The following GLRA3 variants were observed in gnomAD, a reference collection of about 807,000 sequenced individuals.
GLRA3 encodes glycine receptor alpha 3.
In GLRA3, 44 loss-of-function variants were observed where a neutral mutation model predicts 60.4. That is an observed-to-expected ratio of 0.73 (90% CI 0.57 to 0.94). GLRA3 has a LOEUF of 0.94. GLRA3 is among the 40% of genes least tolerant of loss of function. The probability of loss-of-function intolerance (pLI) is 0.00; values close to 1 mark genes in which losing one functional copy is unlikely to be tolerated. For missense variants in GLRA3, 508 were observed against 564.6 expected, an observed-to-expected ratio of 0.90 and a Z score of 1.02; for synonymous variants, 223 against 192.9, an observed-to-expected ratio of 1.16 and a Z score of -1.29.
At chr4:174,661,628 C>G (rs1733445431) in intron 7 of GLRA3, among the ~76,000 whole-genome samples, 1 of 152,134 alleles carries the variant, frequency 6.6e-6, no homozygotes, top group Non-Finnish European at 1.5e-5. Flanking sequence ...TGGTCCCATC[C>G]CCCAATGGCC....
intron 1 of GLRA3, among the ~76,000 whole-genome samples, chr4:174,817,309 G>T (rs774394893): frequency 1.3e-5 from 2 of 152,202 alleles, no homozygotes; most frequent in Non-Finnish European, 2.9e-5. Flanking sequence ...GCAATCCCGC[G>T]TTAAGGGTGG....
At chr4:174,728,723 A>C in intron 3 of GLRA3, 25 bp from the exon 4 acceptor site, 3 of 295,098 alleles carry the variant, frequency 1.0e-5, no homozygotes, top group Non-Finnish European at 1.5e-5. Context: ...TGAAAGAAAG[A>C]AAAAAAAAAA....
chr4:174,757,858 G>A (rs958124490), intron 3 of GLRA3, among the ~76,000 whole-genome samples: 4 of 152,134 alleles, frequency 2.6e-5, no homozygotes, highest in African/African-American at 9.7e-5. Context: ...GTTGAAATTT[G>A]ATCCCCAGTG....
At chr4:174,712,520 T>C (rs187820917) in intron 5 of GLRA3, 34 of 152,330 alleles carry the variant, frequency 2.2e-4, no homozygotes, top group African/African-American at 7.2e-4. Context: ...GTTTTGACCA[T>C]TGACATATAT....
intron 7 of GLRA3, among the ~76,000 whole-genome samples, chr4:174,660,425 C>T (rs1221417606): frequency 6.6e-6 from 1 of 152,044 alleles, no homozygotes. Flanking sequence ...CTGATATTTC[C>T]TCATTTACAT....
At chr4:174,770,569 T>C (rs556158283) in intron 2 of GLRA3, among the ~76,000 whole-genome samples, 3 of 151,216 alleles carry the variant, frequency 2.0e-5, no homozygotes, top group African/African-American at 7.3e-5. Context: ...GTAGATGCTA[T>C]GTACTTTGAA....
rs150447742 is a variant in GLRA3, at chr4:174,820,900, C to CTT, written c.71+7840_71+7841insAA. ...CTTGTTGCCACAGTTAGCTGACAATCATTTTTTTTTTAAATTTCATAGTAA... is the reference window on the plus strand; with the variant it reads ...CTTGTTGCCACAGTTAGCTGACAATCTTATTTTTTTTTTAAATTTCATAGTAA... On this transcript the variant is annotated intron_variant, in intron 1 of 9. Coordinates refer to ENST00000274093, the MANE Select transcript of GLRA3 (RefSeq NM_006529.4). 6.6e-5 allele frequency among the ~76,000 whole-genome samples: 10 copies of CTT among 151,962 alleles called. No homozygotes were observed. In the East Asian group the frequency reaches 7.8e-4, roughly 12 times the overall value.
chr4:174,669,876 T>A (rs1733837474), intron 7 of GLRA3, among the ~76,000 whole-genome samples: 1 of 152,150 alleles, frequency 6.6e-6, no homozygotes, highest in South Asian at 2.1e-4. Flanking sequence ...CACGTAATGG[T>A]TTTTACTTCA....
intron 1 of GLRA3, among the ~76,000 whole-genome samples, chr4:174,806,931 T>A (rs1740075265): frequency 6.6e-6 from 1 of 152,028 alleles, no homozygotes; most frequent in South Asian, 2.1e-4. Flanking sequence ...CAATAAAGTC[T>A]CTGTAACTAA....
At chr4:174,819,333 A>G (rs1740641436) in intron 1 of GLRA3, among the ~76,000 whole-genome samples, 2 of 152,236 alleles carry the variant, frequency 1.3e-5, no homozygotes, top group South Asian at 2.1e-4. Flanking sequence ...GATTTTCCCC[A>G]GCAGCTAGTC....
At chr4:174,724,212 A>C (rs1736232482) in intron 4 of GLRA3, among the ~76,000 whole-genome samples, 1 of 151,992 alleles carries the variant, frequency 6.6e-6, no homozygotes, top group Non-Finnish European at 1.5e-5. Flanking sequence ...TCATGTTCTT[A>C]TTAGTGAACA....
intron 5 of GLRA3, among the ~76,000 whole-genome samples, chr4:174,689,397 G>T (rs1040483616): frequency 1.3e-4 from 20 of 152,150 alleles, no homozygotes; most frequent in Non-Finnish European, 2.8e-4. Context: ...CTTGAGAGAT[G>T]CGGAAAAAGC....
intron 3 of GLRA3, among the ~76,000 whole-genome samples, chr4:174,753,526 T>G (rs1188961439): frequency 1.3e-5 from 2 of 152,168 alleles, no homozygotes; most frequent in Non-Finnish European, 2.9e-5. Flanking sequence ...GAAATGACAT[T>G]TTGGAGAGGA....
At chr4:174,763,996 C>G (rs1178577424) in intron 3 of GLRA3, among the ~76,000 whole-genome samples, 2 of 151,916 alleles carry the variant, frequency 1.3e-5, no homozygotes, top group African/African-American at 4.8e-5. Context: ...AGTTTGGTGA[C>G]TATGTGTAAA....
intron 1 of GLRA3, among the ~76,000 whole-genome samples, chr4:174,826,861 T>C (rs1466341332): frequency 1.4e-5 from 2 of 140,920 alleles, no homozygotes; most frequent in African/African-American, 5.2e-5. Context: ...ATATTTCCAG[T>C]AGAGGGAGCT....
chr4:174,702,120 G>A (rs1735342914), intron 5 of GLRA3, among the ~76,000 whole-genome samples: 1 of 152,100 alleles, frequency 6.6e-6, no homozygotes, highest in Non-Finnish European at 1.5e-5. Context: ...GAAAGGAAGA[G>A]TCACTCAATG....
At chr4:174,772,341 C>T (rs6847879) in intron 2 of GLRA3, among the ~76,000 whole-genome samples, 113,635 of 152,080 alleles carry the variant, frequency 0.75, 42,822 homozygotes, top group East Asian at 1. Flanking sequence ...CTAAATTTCA[C>T]GTGCAAGTAA....
chr4:174,659,988 G>C (rs1356301953), intron 7 of GLRA3, among the ~76,000 whole-genome samples: 2 of 123,212 alleles, frequency 1.6e-5, no homozygotes, highest in Admixed American at 1.8e-4. Flanking sequence ...AAAAAAAATA[G>C]TAATAAGGAC....
rs3059164 is a variant in GLRA3, at chr4:174,793,423, CATTTATTT to C, written c.72-4488_72-4481del. 4.3e-3 allele frequency among the ~76,000 whole-genome samples: 516 copies of C among 120,092 alleles called. 1 individual carries two copies. The highest frequency in any genetic ancestry group is 0.014 in the African/African-American group (398 of 27,480). 78.8% of individuals were successfully genotyped at this position (120,092 alleles called of 152,430 possible). On this transcript the variant is annotated intron_variant, in intron 1 of 9. Transcript: ENST00000274093. Reference sequence around the variant, plus strand: ...CTTAAGTAATGTCAAAATTTACATTCATTTATTTATTTATTTATTTATTTATTTATTTA... The same window carrying C: ...CTTAAGTAATGTCAAAATTTACATTCATTTATTTATTTATTTATTTATTTA...
Sources: gnomAD v4.1 joint callset for allele counts (sites outside exome capture counted in the v4.1 genomes callset) on GRCh38, gnomAD v4.1.1 for gene constraint, MANE v1.5 for transcripts, NCBI Gene and HGNC (gene_info 2026-07-23, HGNC 2026-07-21) for gene names.